The following MYSM1 variants were observed in gnomAD, a reference collection of about 807,000 sequenced individuals.
MYSM1 encodes Myb like, SWIRM and MPN domains 1.
Under a neutral mutation model 116.0 loss-of-function variants are expected in MYSM1, and 51 were observed. That is an observed-to-expected ratio of 0.44 (90% CI 0.35 to 0.56). The LOEUF is 0.56. MYSM1 is among the 20% of genes least tolerant of loss of function. The pLI, the probability that MYSM1 is intolerant of heterozygous loss-of-function variation, is 0.00. For synonymous variants in MYSM1, 313 were observed against 315.2 expected, an observed-to-expected ratio of 0.99 and a Z score of 0.07; for missense variants, 900 against 974.9, an observed-to-expected ratio of 0.92 and a Z score of 1.02.
At chr1:58,679,827 A>G (rs1172774054) in intron 8 of MYSM1, among the ~76,000 whole-genome samples, 2 of 151,820 alleles carry the variant, frequency 1.3e-5, no homozygotes, top group East Asian at 3.9e-4. Flanking sequence ...CAGGAGTTCT[A>G]GACCAGCCTG....
chr1:58,680,636 T>G (rs1041381656), intron 8 of MYSM1, among the ~76,000 whole-genome samples: 6 of 152,144 alleles, frequency 3.9e-5, no homozygotes, highest in Admixed American at 6.5e-5. Flanking sequence ...TTGTTTTCCT[T>G]TGGTAACCCT....
intron 6 of MYSM1, among the ~76,000 whole-genome samples, chr1:58,688,730 T>C (rs1449777774): frequency 6.6e-6 from 1 of 152,164 alleles, no homozygotes; most frequent in Non-Finnish European, 1.5e-5. Context: ...AATTTTGCCT[T>C]TTAATCCAGG....
chr1:58,682,177 A>C lies in MYSM1; in HGVS notation c.867T>G (p.Leu289=), dbSNP rs1644755656. The C allele has an allele frequency of 2.5e-6, 4 of 1,612,692 alleles. No individual in the cohort carries two copies. The highest frequency in any genetic ancestry group is 3.4e-6 in the Non-Finnish European group (4 of 1,178,962). The change falls in exon 8 of 20, where the codon CTT becomes CTG. Residue 289 remains leucine, a synonymous_variant. Transcript: ENST00000472487. Reference sequence around the variant, plus strand: ...TCCACAGTGTAATTTCTGAGCTTGAAAGTGTTTCATCTTGCTTTTCATTTT... The same window carrying C: ...TCCACAGTGTAATTTCTGAGCTTGACAGTGTTTCATCTTGCTTTTCATTTT... ...CLQNEKQDET[L]SSSEITLWTE... is the part of the protein sequence containing the mutation.
intron 7 of MYSM1, among the ~76,000 whole-genome samples, chr1:58,684,156 C>T (rs1038554082): frequency 6.6e-6 from 1 of 152,126 alleles, no homozygotes; most frequent in African/African-American, 2.4e-5. Context: ...AACACCGAAA[C>T]AAATCTTACC....
chr1:58,661,306 G>A, intron 18 of MYSM1, 79 bp from the exon 19 acceptor site: 3 of 1,334,054 alleles, frequency 2.2e-6, no homozygotes, highest in Non-Finnish European at 3.2e-6. Flanking sequence ...TATCACGGAT[G>A]CCATACATCA....
In MYSM1 at chr1:58,661,441, T is replaced by A. The variant is rs779688363; in HGVS notation, c.2235A>T (p.Thr745=). Residue 745 remains threonine, a synonymous_variant, in exon 18 of 20, where the codon ACA becomes ACT. Coordinates refer to ENST00000472487, the MANE Select transcript of MYSM1 (RefSeq NM_001085487.3). ...GCCTGTATTTTTCTATTATCCATCT[T>A]GTCTTTTCAAATACTAATCCCCACT... The part of the protein sequence containing the change: ...EPQWGLVFEK[T]RWIIEKYRLS... 18 of 1,605,836 alleles carry A rather than the reference T, an allele frequency of 1.1e-5. No individual in the cohort carries two copies. The Admixed American group carries it at 1.7e-4, about 15-fold the overall frequency.
Position 58,676,999 on chromosome 1 carries a change from G to A in MYSM1, c.1317C>T (p.Asn439=). Residue 439 remains asparagine, a synonymous_variant, in exon 9 of 20, where the codon AAC becomes AAT. Coordinates refer to ENST00000472487, the MANE Select transcript of MYSM1 (RefSeq NM_001085487.3). ...GTCCAATACAATTAACATCTCCACAGTTCTTCAGGCCAGGACGTACTGAGG... is the reference window on the plus strand; with the variant it reads ...GTCCAATACAATTAACATCTCCACAATTCTTCAGGCCAGGACGTACTGAGG... The part of the protein sequence containing the change: ...NKTSVRPGLK[N]CGDVNCIGRI... 6.2e-7 allele frequency: 1 copy of A among 1,612,320 alleles called. No individual in the cohort carries two copies. The highest frequency in any genetic ancestry group is 1.1e-5 in the South Asian group (1 of 90,948).
intron 9 of MYSM1, among the ~76,000 whole-genome samples, chr1:58,676,345 G>A (rs976784633): frequency 1.3e-5 from 2 of 151,010 alleles, no homozygotes; most frequent in African/African-American, 2.4e-5. Context: ...GAACCCGGGA[G>A]GCGGAAGTTG....
At chr1:58,664,493 T>C (rs546823603) in intron 17 of MYSM1, among the ~76,000 whole-genome samples, 6 of 152,268 alleles carry the variant, frequency 3.9e-5, no homozygotes, top group African/African-American at 1.2e-4. Flanking sequence ...ACTTGCTAAA[T>C]AGATAAATTG....
chr1:58,687,938 G>A (rs1297819400), intron 6 of MYSM1, among the ~76,000 whole-genome samples: 3 of 151,552 alleles, frequency 2.0e-5, no homozygotes, highest in Admixed American at 6.6e-5. Context: ...CTCCTTCTGC[G>A]TGTGTGTGTG....
In MYSM1 at chr1:58,655,729, G is replaced by C. The variant is rs946742324; in HGVS notation, c.*4268C>G. 3.3e-5 allele frequency: 5 copies of C among 152,088 alleles called. No individual in the cohort carries two copies. The highest frequency in any genetic ancestry group is 1.2e-4 in the African/African-American group (5 of 41,426). The allele number at this position is 152,088 out of a possible 1,614,324, so 9.4% of individuals were successfully genotyped here. A position where few individuals can be genotyped will look rare whatever the true frequency, so the allele number is the denominator to read the frequency against. On this transcript the variant is annotated 3_prime_UTR_variant, in exon 20 of 20. Transcript: ENST00000472487. ...GAAATATTGCAAAATACATTAATTT[G>C]TAAGAAAACTAATATTAAAGTACTG...
At chr1:58,698,757 A>T (rs1188438312) in intron 1 of MYSM1, among the ~76,000 whole-genome samples, 2 of 152,224 alleles carry the variant, frequency 1.3e-5, no homozygotes, top group African/African-American at 4.8e-5. Context: ...TTTAAACACT[A>T]AATGAATGTC....
chr1:58,695,128 C>A lies in MYSM1; in HGVS notation c.147+1G>T, dbSNP rs1644956327. ...ACCTGATATTTTTATAAAATACTTA[C>A]AATAAGGCCATTCTCTGTTCTCCAA... is the stretch of plus-strand genomic sequence containing the variant. On this transcript the variant is annotated splice_donor_variant, in intron 2 of 19. Transcript: ENST00000472487. LOFTEE classifies it high-confidence loss of function. The A allele has an allele frequency of 4.4e-6, 7 of 1,577,572 alleles. No homozygotes were observed. The highest frequency in any genetic ancestry group is 6.1e-6 in the Non-Finnish European group (7 of 1,148,634).
chr1:58,666,297 C>T (rs1052388994), intron 16 of MYSM1, among the ~76,000 whole-genome samples: 1 of 152,142 alleles, frequency 6.6e-6, no homozygotes, highest in African/African-American at 2.4e-5. Context: ...ACAGCAAACC[C>T]AGTCACATAT....
intron 17 of MYSM1, among the ~76,000 whole-genome samples, chr1:58,664,276 A>G (rs946359744): frequency 6.6e-6 from 1 of 152,184 alleles, no homozygotes; most frequent in Non-Finnish European, 1.5e-5. Flanking sequence ...TCTTTTTATA[A>G]AACTGTACTG....
chr1:58,670,150 C>T (rs146661463), intron 12 of MYSM1, among the ~76,000 whole-genome samples: 174 of 152,206 alleles, frequency 1.1e-3, no homozygotes, highest in African/African-American at 4.0e-3. Context: ...TGATCAGAAC[C>T]GTGCCTGACA....
Position 58,689,110 on chromosome 1 carries a change from G to GT in MYSM1, c.326dup (p.His109GlnfsTer22). ...AGTAACTGGCTGGTTTTGTAGGAGA[G>GT]TGTACCCTGAGGGGAAAAAAAGGAA... On this transcript the variant is annotated frameshift_variant, in exon 6 of 20. Coordinates refer to ENST00000472487, the MANE Select transcript of MYSM1 (RefSeq NM_001085487.3). LOFTEE classifies it high-confidence loss of function. 6.3e-7 allele frequency: 1 copy of GT among 1,599,312 alleles called. No individual in the cohort carries two copies. The highest frequency in any genetic ancestry group is 8.5e-7 in the Non-Finnish European group (1 of 1,176,788).
intron 17 of MYSM1, 110 bp downstream of exon 17, chr1:58,665,389 G>A: frequency 2.4e-6 from 2 of 827,648 alleles, no homozygotes; most frequent in South Asian, 2.1e-5. Flanking sequence ...CTAGTTGAGG[G>A]CACAAACTCT....
At chr1:58,679,026 C>T (rs531096640) in intron 8 of MYSM1, among the ~76,000 whole-genome samples, 17 of 152,260 alleles carry the variant, frequency 1.1e-4, no homozygotes, top group Admixed American at 3.3e-4. Context: ...ACATGGTATT[C>T]GGGAGGCATT....
Sources: allele counts gnomAD v4.1 joint callset (sites outside exome capture counted in the v4.1 genomes callset), GRCh38; gene constraint gnomAD v4.1.1; transcripts MANE v1.5; gene names NCBI Gene and HGNC (gene_info 2026-07-23, HGNC 2026-07-21).